Variants in MEGF9 observed in about 807,000 individuals in gnomAD.
MEGF9 encodes the protein multiple EGF like domains 9, also known as multiple epidermal growth factor-like domains protein 9.
Under a neutral mutation model 46.8 loss-of-function variants are expected in MEGF9, and 6 were observed. The observed-to-expected ratio is 0.13, with a 90% CI of 0.07 to 0.25. MEGF9 has a LOEUF of 0.25. Ranked by LOEUF, MEGF9 falls within the 10% of genes least tolerant of loss-of-function variation. The pLI is 1.00. For missense variants in MEGF9, 683 were observed against 792.4 expected (o/e 0.86, Z 1.66); for synonymous variants, 302 against 330.7 (o/e 0.91, Z 0.94).
intron 1 of MEGF9, among the ~76,000 whole-genome samples, chr9:120,704,506 AATACCATTT>A (rs1202420271): frequency 6.6e-6 from 1 of 152,220 alleles, no homozygotes; most frequent in Non-Finnish European, 1.5e-5. Flanking sequence ...CTCTTCTCCA[AATACCATTT>A]ATTCATCATA....
intron 2 of MEGF9, among the ~76,000 whole-genome samples, chr9:120,627,381 T>C (rs1292579806): frequency 1.3e-5 from 2 of 152,244 alleles, no homozygotes; most frequent in Admixed American, 1.3e-4. Context: ...AAAGTACGTG[T>C]GTATGTATAT....
intron 2 of MEGF9, among the ~76,000 whole-genome samples, chr9:120,649,638 T>C (rs749969577): frequency 1.3e-5 from 2 of 152,234 alleles, no homozygotes; most frequent in Non-Finnish European, 2.9e-5. Context: ...TAATTTTTCT[T>C]ACATATATGT....
At chr9:120,614,552 T>C (rs551759510) in intron 3 of MEGF9, among the ~76,000 whole-genome samples, 1 of 152,260 alleles carries the variant, frequency 6.6e-6, no homozygotes, top group South Asian at 2.1e-4. Context: ...GATCTCTCTT[T>C]AGCTATGTAT....
intron 1 of MEGF9, among the ~76,000 whole-genome samples, chr9:120,665,714 T>G (rs112278854): frequency 3.7e-4 from 56 of 152,354 alleles, no homozygotes; most frequent in African/African-American, 1.3e-3. Flanking sequence ...TTCTAGCAGT[T>G]TTATAGTTTC....
chr9:120,693,990 T>C (rs1029711805), intron 1 of MEGF9, among the ~76,000 whole-genome samples: 1 of 152,018 alleles, frequency 6.6e-6, no homozygotes, highest in African/African-American at 2.4e-5. Flanking sequence ...ACTTTTTCTT[T>C]TGGGTAAAAT....
chr9:120,609,185 C>A (rs543499717), intron 4 of MEGF9, among the ~76,000 whole-genome samples: 1 of 152,172 alleles, frequency 6.6e-6, no homozygotes. Context: ...TCCACCACCC[C>A]CTAAGGTTCA....
At chr9:120,678,623 C>T (rs1382871668) in intron 1 of MEGF9, among the ~76,000 whole-genome samples, 1 of 152,166 alleles carries the variant, frequency 6.6e-6, no homozygotes, top group Non-Finnish European at 1.5e-5. Flanking sequence ...CAGGTGTGCA[C>T]CACCATACCT....
In MEGF9 at chr9:120,714,336, G is replaced by A. The variant is rs777315439; in HGVS notation, c.23C>T (p.Ala8Val). The part of the protein sequence containing the change: MNGGAER[A>V]MRSLPSLGGL... Reference sequence around the variant, plus strand: ...GCCCAGGCTCGGCAGGCTCCTCATGGCGCGCTCGGCTCCGCCATTCATTCA... The same window carrying A: ...GCCCAGGCTCGGCAGGCTCCTCATGACGCGCTCGGCTCCGCCATTCATTCA... The change falls in exon 1 of 6, where the codon GCC becomes GTC. Residue 8 changes from alanine (A) to valine (V), a missense_variant. By Grantham distance (64) the Ala-to-Val change is moderately conservative. Around this residue, in one of 2 missense-constraint regions of MEGF9, gnomAD observed 370 missense variants for 371.3 expected, o/e 1.00. Transcript: ENST00000373930. 3.6e-5 allele frequency: 48 copies of A among 1,347,452 alleles called. 1 individual carries two copies. In the South Asian group the frequency reaches 6.9e-4, roughly 19 times the overall value. The allele number at this position is 1,347,452 out of a possible 1,614,324, so 83.5% of individuals were successfully genotyped here. A position where few individuals can be genotyped will look rare whatever the true frequency, so the allele number is the denominator to read the frequency against.
At chr9:120,615,831 C>T (rs1235045081) in intron 3 of MEGF9, among the ~76,000 whole-genome samples, 5 of 151,940 alleles carry the variant, frequency 3.3e-5, no homozygotes, top group Non-Finnish European at 7.4e-5. Flanking sequence ...AAGGTTGAGG[C>T]TGTAGTGAGC....
chr9:120,612,631 G>A, intron 3 of MEGF9, 92 bp from the exon 4 acceptor site: 2 of 1,161,378 alleles, frequency 1.7e-6, no homozygotes, highest in African/African-American at 1.6e-5. Flanking sequence ...AAGATCATAA[G>A]AAAAAGAAAA....
At chr9:120,635,505 T>C (rs1395326546) in intron 2 of MEGF9, among the ~76,000 whole-genome samples, 1 of 152,142 alleles carries the variant, frequency 6.6e-6, no homozygotes, top group Non-Finnish European at 1.5e-5. Context: ...TCTTTTTCAT[T>C]CATATTTCTC....
intron 1 of MEGF9, among the ~76,000 whole-genome samples, chr9:120,711,865 A>ACACACACACACC (rs1464809008): frequency 4.7e-5 from 7 of 149,958 alleles, no homozygotes; most frequent in East Asian, 1.9e-4. Flanking sequence ...ACACACACAC[A>ACACACACACACC]CACACACCCA....
intron 1 of MEGF9, among the ~76,000 whole-genome samples, chr9:120,660,723 T>C (rs1175261835): frequency 6.6e-6 from 1 of 152,244 alleles, no homozygotes; most frequent in African/African-American, 2.4e-5. Flanking sequence ...AAAAGGAAAG[T>C]GTTTTCAACA....
At chr9:120,652,678 A>G (rs1035518491) in intron 2 of MEGF9, among the ~76,000 whole-genome samples, 2 of 151,954 alleles carry the variant, frequency 1.3e-5, no homozygotes, top group Admixed American at 6.6e-5. Flanking sequence ...ATGGATATAT[A>G]ATAGTCATAT....
At chr9:120,690,777 C>T (rs1257212938) in intron 1 of MEGF9, among the ~76,000 whole-genome samples, 1 of 152,114 alleles carries the variant, frequency 6.6e-6, no homozygotes, top group Non-Finnish European at 1.5e-5. Flanking sequence ...TCCCTAAAGT[C>T]ACTCCACTAG....
intron 2 of MEGF9, among the ~76,000 whole-genome samples, chr9:120,643,496 C>G (rs1354717839): frequency 6.6e-6 from 1 of 152,146 alleles, no homozygotes; most frequent in Non-Finnish European, 1.5e-5. Flanking sequence ...ATCCTAATTT[C>G]TCTTCTGTAC....
In MEGF9 at chr9:120,645,660, G is replaced by A. The variant is rs533664345; in HGVS notation, c.803+13714C>T. Among the ~76,000 whole-genome samples the A allele has an allele frequency of 1.2e-4, 19 of 152,242 alleles. 1 individual carries two copies. The highest frequency in any genetic ancestry group is 3.6e-4 in the African/African-American group (15 of 41,530). Reference sequence around the variant, plus strand: ...GACTTTATGCTATTTAGGCATATGAGGGCCAGAGCAATTAATTGGAAAAAT... The same window carrying A: ...GACTTTATGCTATTTAGGCATATGAAGGCCAGAGCAATTAATTGGAAAAAT... On this transcript the variant is annotated intron_variant, in intron 2 of 5. Transcript: ENST00000373930.
At chr9:120,643,025 G>C (rs1459355122) in intron 2 of MEGF9, among the ~76,000 whole-genome samples, 1 of 152,068 alleles carries the variant, frequency 6.6e-6, no homozygotes, top group Non-Finnish European at 1.5e-5. Flanking sequence ...TTTTAAACTA[G>C]TCCTATATAC....
At chr9:120,712,093 C>CA (rs1405523222) in intron 1 of MEGF9, among the ~76,000 whole-genome samples, 8 of 152,068 alleles carry the variant, frequency 5.3e-5, no homozygotes, top group East Asian at 1.9e-4. Context: ...CTCATCTCTA[C>CA]AAAAAATACA....
Sources: gnomAD v4.1 joint callset for allele counts (sites outside exome capture counted in the v4.1 genomes callset) on GRCh38, gnomAD v4.1.1 for gene constraint, gnomAD v4.1.1 regional missense constraint, MANE v1.5 for transcripts, NCBI Gene and HGNC (gene_info 2026-07-23, HGNC 2026-07-21) for gene names.